The following WNT10B variants were observed in gnomAD, a reference collection of about 807,000 sequenced individuals.
WNT10B encodes the protein protein Wnt-10b.
A neutral mutation model predicts 32.7 loss-of-function variants in WNT10B; 26 were observed. The ratio of observed to expected loss-of-function variants is 0.79; its 90% CI spans 0.58 to 1.10. The LOEUF (loss-of-function observed/expected upper bound fraction) is 1.10, where lower values mean the gene tolerates loss of function less well. WNT10B is among the 50% of genes least tolerant of loss of function. WNT10B has a pLI of 0.00. For synonymous variants in WNT10B, 204 were observed against 220.4 expected (o/e 0.93, Z 0.66); for missense variants, 474 against 532.5 (o/e 0.89, Z 1.08).
At position 48,965,698 on chromosome 12, in the gene WNT10B, A is replaced by G. The variant is rs1940718719; in HGVS notation, c.*397T>C. On this transcript the variant is annotated 3_prime_UTR_variant, in exon 5 of 5. Coordinates refer to ENST00000301061, the MANE Select transcript of WNT10B (RefSeq NM_003394.4). ...GTGGGTGATCTCTTTCTAGATACAG[A>G]TCTTATGGCTCCAAACAGTGCCTGG... 1 of 232,148 alleles carries G rather than the reference A, an allele frequency of 4.3e-6. No individual in the cohort carries two copies. Among genetic ancestry groups the G allele is most frequent in the Non-Finnish European group, 8.6e-6 (1 of 116,740 alleles). 14.4% of individuals were successfully genotyped at this position (232,148 alleles called of 1,614,324 possible). A position where few individuals can be genotyped will look rare whatever the true frequency, so the allele number is the denominator to read the frequency against.
intron 3 of WNT10B, 123 bp downstream of exon 3, chr12:48,969,966 G>A (rs1253980590): frequency 1.7e-6 from 2 of 1,200,028 alleles, no homozygotes; most frequent in Non-Finnish European, 1.1e-6. Context: ...CGGGGGGGGC[G>A]GGGAATTCCA....
chr12:48,965,949 C>T lies in WNT10B; in HGVS notation c.*146G>A. ...GCTACACATCCCAGAGTCCACCTGA[C>T]CCCCACCACCCCTAAAGCTGTTTCC... is the stretch of plus-strand genomic sequence containing the variant. On this transcript the variant is annotated 3_prime_UTR_variant, in exon 5 of 5. Transcript: ENST00000301061. The T allele has an allele frequency of 1.0e-6, 1 of 970,496 alleles. No homozygotes were observed. Among genetic ancestry groups the T allele is most frequent in the Admixed American group, 2.2e-5 (1 of 46,186 alleles). 60.1% of individuals were successfully genotyped at this position (970,496 alleles called of 1,614,324 possible).
rs192247666 is a variant in WNT10B, at chr12:48,968,275, C to G, written c.382G>C (p.Val128Leu). The G allele has an allele frequency of 5.7e-5, 91 of 1,606,052 alleles. No homozygotes were observed. The highest frequency in any genetic ancestry group is 7.4e-5 in the Non-Finnish European group (87 of 1,180,018). Residue 128 changes from valine to leucine, a missense_variant, in exon 4 of 5, where the codon GTC becomes CTC. Physicochemically the swap from Val to Leu is conservative, Grantham distance 32 (BLOSUM62 1). Transcript: ENST00000301061. ...CAGGCCGTGGCTACTGCGTGCATGA[C>G]CCCAGCAGCCAGCATGGAGAAGGAA... ...AFSFSMLAAG[V>L]MHAVATACSL... is the part of the protein sequence containing the mutation.
At position 48,970,514 on chromosome 12, in the gene WNT10B, G is replaced by A. The variant is rs771121981; in HGVS notation, c.16C>T (p.Arg6Trp). ...AGGCCCGAGGGCGGAGGCCGCGGCC[G>A]GGGCTCCTCCAGCATGTCGAAGCCC... MLEEPRPRPPPSGLAG... is the reference protein window; with the variant it reads MLEEPWPRPPPSGLAG... The change falls in exon 2 of 5, where the codon CGG becomes TGG. Residue 6 changes from arginine (R) to tryptophan (W), a missense_variant. By Grantham distance (101) the Arg-to-Trp change is moderately radical. Transcript: ENST00000301061. This position sits in a 1 kb window ranked among gnomAD's most constrained non-coding sequence, Gnocchi z 5.0. The A allele has an allele frequency of 1.6e-5, 26 of 1,588,230 alleles. No individual in the cohort carries two copies. Among genetic ancestry groups the A allele is most frequent in the Non-Finnish European group, 2.2e-5 (26 of 1,167,626 alleles).
chr12:48,970,095 T>C lies in WNT10B; in HGVS notation c.331A>G (p.Lys111Glu). The C allele has an allele frequency of 1.3e-6, 2 of 1,520,862 alleles. No homozygotes were observed. Among genetic ancestry groups the C allele is most frequent in the Non-Finnish European group, 1.8e-6 (2 of 1,135,580 alleles). 94.2% of individuals were successfully genotyped at this position (1,520,862 alleles called of 1,614,324 possible). ...CCCGCCCAGCCAGGCTCACCGCGCT[T>C]GAGGATGGCGCTGTGGTGCGGCAGG... Reference protein sequence around the residue: ...GRLPHHSAILKRGFRESAFSF... With the variant: ...GRLPHHSAILERGFRESAFSF... Residue 111 changes from lysine to glutamate, a missense_variant, in exon 3 of 5, where the codon AAG becomes GAG. Transcript: ENST00000301061. This position sits in a 1 kb window ranked among gnomAD's most constrained non-coding sequence, Gnocchi z 5.0.
rs1940724340 is a variant in WNT10B at position 48,966,056 on chromosome 12, A to T, written c.*39T>A. On this transcript the variant is annotated 3_prime_UTR_variant, in exon 5 of 5. Transcript: ENST00000301061. ...AAAGGGCTGAAAAGGCGCCCCTCTC[A>T]CACAGTCCTCTTCCCCAGCCCCAAG... 1 of 1,610,986 alleles carries T rather than the reference A, an allele frequency of 6.2e-7. No homozygotes were observed. Among genetic ancestry groups the T allele is most frequent in the African/African-American group, 1.3e-5 (1 of 74,888 alleles).
rs1940840199 is a variant in WNT10B at position 48,970,777 on chromosome 12, C to T, written c.-40-208G>A. 4 of 592,162 alleles carry T rather than the reference C, an allele frequency of 6.8e-6. No individual in the cohort carries two copies. The highest frequency in any genetic ancestry group is 1.9e-5 in the African/African-American group (1 of 53,688). 36.7% of individuals were successfully genotyped at this position (592,162 alleles called of 1,614,324 possible). ...AAAGAAGAAGAGTCAAGGCGTTGTC[C>T]CAGCTCAGGACTCAAGCGAGCACCC... On this transcript the variant is annotated intron_variant, in intron 1 of 4. Transcript: ENST00000301061. The surrounding 1 kb of genome is among the most constrained non-coding windows in gnomAD (Gnocchi z 5.0).
In WNT10B at chr12:48,966,268, C is replaced by A; in HGVS notation, c.997G>T (p.Ala333Ser). 1 of 1,614,204 alleles carries A rather than the reference C, an allele frequency of 6.2e-7. No individual in the cohort carries two copies. Among genetic ancestry groups the A allele is most frequent in the Non-Finnish European group, 8.5e-7 (1 of 1,180,032 alleles). ...AACAGGCGGCTGGTCTTGTTGCAGG[C>A]CCGGCCCCTTGTCCCTGGGGAGCCC... ...TMGSPGTRGR[A>S]CNKTSRLLDG... The change falls in exon 5 of 5, where the codon GCC becomes TCC. Residue 333 changes from alanine to serine, a missense_variant. Physicochemically the swap from Ala to Ser is moderately conservative, Grantham distance 99. Coordinates refer to ENST00000301061, the MANE Select transcript of WNT10B (RefSeq NM_003394.4).
chr12:48,970,037 C>T lies in WNT10B; in HGVS notation c.337+52G>A. The T allele has an allele frequency of 1.4e-6, 2 of 1,398,118 alleles. No individual in the cohort carries two copies. The highest frequency in any genetic ancestry group is 3.2e-5 in the South Asian group (2 of 63,206). 86.6% of individuals were successfully genotyped at this position (1,398,118 alleles called of 1,614,324 possible). The stretch of plus-strand genomic sequence containing the variant: ...TCCCGCCTCCGCGCGCCTCGCCCTG[C>T]CGCCCACCCCCTAGCCTCCGCGGCA... On this transcript the variant is annotated intron_variant, in intron 3 of 4. Transcript: ENST00000301061. This position sits in a 1 kb window ranked among gnomAD's most constrained non-coding sequence, Gnocchi z 5.0.
intron 3 of WNT10B, among the ~76,000 whole-genome samples, 182 bp downstream of exon 3, chr12:48,969,907 A>G (rs1470046722): frequency 1.3e-5 from 2 of 149,434 alleles, no homozygotes; most frequent in African/African-American, 4.9e-5. Context: ...GGTGGAAGTT[A>G]GGCGCGCAGG....
rs201214695 is a variant in WNT10B at position 48,970,387 on chromosome 12, A to G, written c.75-36T>C. On this transcript the variant is annotated intron_variant, in intron 2 of 4. Coordinates refer to ENST00000301061, the MANE Select transcript of WNT10B (RefSeq NM_003394.4). The surrounding 1 kb of genome is among the most constrained non-coding windows in gnomAD (Gnocchi z 5.0). ...AGAAGGCGTCTGGGGTCTGCGGTCC[A>G]GACCCCTCCAACTCTCCCCACCCCG... 2.5e-6 allele frequency: 4 copies of G among 1,614,096 alleles called. No homozygotes were observed. Among genetic ancestry groups the G allele is most frequent in the East Asian group, 4.5e-5 (2 of 44,870 alleles).
In WNT10B at chr12:48,970,938, T is replaced by G; in HGVS notation, c.-40-369A>C. On this transcript the variant is annotated intron_variant, in intron 1 of 4. Coordinates refer to ENST00000301061, the MANE Select transcript of WNT10B (RefSeq NM_003394.4). The surrounding 1 kb of genome is among the most constrained non-coding windows in gnomAD (Gnocchi z 5.0). ...CCTTTTCCAGGGCCCCACGACTAGCTTCCCCGCCCTCACAGGGCTAGGGAG... is the reference window on the plus strand; with the variant it reads ...CCTTTTCCAGGGCCCCACGACTAGCGTCCCCGCCCTCACAGGGCTAGGGAG... The G allele has an allele frequency of 2.4e-5, 7 of 294,754 alleles. No individual in the cohort carries two copies. The highest frequency in any genetic ancestry group is 3.3e-5 in the Non-Finnish European group (5 of 152,036). The allele number at this position is 294,754 out of a possible 1,614,324, so 18.3% of individuals were successfully genotyped here. A position where few individuals can be genotyped will look rare whatever the true frequency, so the allele number is the denominator to read the frequency against.
Position 48,970,803 on chromosome 12 carries a change from C to G in WNT10B, c.-40-234G>C. The stretch of plus-strand genomic sequence containing the variant: ...CAGCTCAGGACTCAAGCGAGCACCC[C>G]TGGAACCTTGCCCAATCAGACACAA... On this transcript the variant is annotated intron_variant, in intron 1 of 4. Coordinates refer to ENST00000301061, the MANE Select transcript of WNT10B (RefSeq NM_003394.4). The surrounding 1 kb of genome is among the most constrained non-coding windows in gnomAD (Gnocchi z 5.0). 1 of 570,006 alleles carries G rather than the reference C, an allele frequency of 1.8e-6. No individual in the cohort carries two copies. The highest frequency in any genetic ancestry group is 2.1e-5 in the South Asian group (1 of 47,222). The allele number at this position is 570,006 out of a possible 1,614,324, so 35.3% of individuals were successfully genotyped here.
intron 3 of WNT10B, among the ~76,000 whole-genome samples, chr12:48,969,578 C>G (rs118055481): frequency 3.6e-3 from 545 of 152,282 alleles, no homozygotes; most frequent in Non-Finnish European, 5.4e-3. Context: ...GGACTGGCTC[C>G]CCAGCTTCAA....
At chr12:48,968,486 A>G (rs1835665974) in intron 3 of WNT10B, among the ~76,000 whole-genome samples, 167 bp from the exon 4 acceptor site, 2 of 152,226 alleles carry the variant, frequency 1.3e-5, no homozygotes, top group Admixed American at 1.3e-4. Context: ...GGGACAAGGA[A>G]GGGTACAAAA....
In WNT10B at chr12:48,965,380, G is replaced by A. The variant is rs144773630; in HGVS notation, c.*715C>T. 634 of 152,730 alleles carry A rather than the reference G, an allele frequency of 4.2e-3. 2 individuals carry two copies. The highest frequency in any genetic ancestry group is 7.5e-3 in the Non-Finnish European group (508 of 68,030). 9.5% of individuals were successfully genotyped at this position (152,730 alleles called of 1,614,324 possible). On this transcript the variant is annotated 3_prime_UTR_variant, in exon 5 of 5. Coordinates refer to ENST00000301061, the MANE Select transcript of WNT10B (RefSeq NM_003394.4). ...TATTTTAGTTTCAAACAGGAACCAA[G>A]AACAAGTCTCAGTATGATAAATTAT...
Position 48,970,827 on chromosome 12 carries a change from A to G in WNT10B, c.-40-258T>C, listed in dbSNP as rs1358484533. On this transcript the variant is annotated intron_variant, in intron 1 of 4. Coordinates refer to ENST00000301061, the MANE Select transcript of WNT10B (RefSeq NM_003394.4). The surrounding 1 kb of genome is among the most constrained non-coding windows in gnomAD (Gnocchi z 5.0). Reference sequence around the variant, plus strand: ...CCTGGAACCTTGCCCAATCAGACACAACGCCCGGCACACAGACACACACTC... The same window carrying G: ...CCTGGAACCTTGCCCAATCAGACACGACGCCCGGCACACAGACACACACTC... 1.9e-6 allele frequency: 1 copy of G among 536,484 alleles called. No individual in the cohort carries two copies. The highest frequency in any genetic ancestry group is 3.4e-6 in the Non-Finnish European group (1 of 297,740). The allele number at this position is 536,484 out of a possible 1,614,324, so 33.2% of individuals were successfully genotyped here.
Position 48,966,447 on chromosome 12 carries a change from GC to G in WNT10B, c.817del (p.Ala273ArgfsTer3). The G allele has an allele frequency of 1.2e-6, 2 of 1,613,996 alleles. No homozygotes were observed. Among genetic ancestry groups the G allele is most frequent in the Non-Finnish European group, 1.7e-6 (2 of 1,180,040 alleles). ...CCGGCCCAGCCGCTCCCTCAACGCCGCCCCCACTGCCCGGAACTCTGGGGCC... is the reference window on the plus strand; with the variant it reads ...CCGGCCCAGCCGCTCCCTCAACGCCGCCCCACTGCCCGGAACTCTGGGGCC... ...RAAPEFRAVGAALRERLGRAI... is the reference protein window; with the variant it reads ...RAAPEFRAVGXALRERLGRAI... On this transcript the variant is annotated frameshift_variant, in exon 5 of 5. Coordinates refer to ENST00000301061, the MANE Select transcript of WNT10B (RefSeq NM_003394.4). LOFTEE classifies it high-confidence loss of function.
chr12:48,970,536 G>A lies in WNT10B; in HGVS notation c.-7C>T. 1.9e-6 allele frequency: 3 copies of A among 1,572,270 alleles called. No homozygotes were observed. The highest frequency in any genetic ancestry group is 2.6e-6 in the Non-Finnish European group (3 of 1,158,450). On this transcript the variant is annotated 5_prime_UTR_variant, in exon 2 of 5. Transcript: ENST00000301061. The surrounding 1 kb of genome is among the most constrained non-coding windows in gnomAD (Gnocchi z 5.0). ...GCCGGGGCTCCTCCAGCATGTCGAA[G>A]CCCGGAGGCTCCGGTGGGCAGATCG...
Sources: gnomAD v4.1 joint callset for allele counts (sites outside exome capture counted in the v4.1 genomes callset) on GRCh38, gnomAD v4.1.1 for gene constraint, Gnocchi (gnomAD v3.1) non-coding constraint, MANE v1.5 for transcripts, NCBI Gene and HGNC (gene_info 2026-07-23, HGNC 2026-07-21) for gene names.